EPC2: variants seen among roughly 807,000 people sequenced by gnomAD.
EPC2 encodes enhancer of polycomb 2, also known as enhancer of polycomb homolog 2.
In EPC2, 14 loss-of-function variants were observed where a neutral mutation model predicts 92.1. The ratio of observed to expected loss-of-function variants is 0.15; its 90% CI spans 0.10 to 0.24. The LOEUF is 0.24. EPC2 is among the 10% of genes least tolerant of loss of function. The probability of loss-of-function intolerance (pLI) is 1.00; values close to 1 mark genes in which losing one functional copy is unlikely to be tolerated. For synonymous variants in EPC2, 340 were observed against 334.7 expected (o/e 1.02, Z -0.17); for missense variants, 755 against 971.5 (o/e 0.78, Z 2.96).
intron 2 of EPC2, among the ~76,000 whole-genome samples, chr2:148,714,350 T>C (rs189403730): frequency 6.6e-6 from 1 of 152,248 alleles, no homozygotes; most frequent in East Asian, 1.9e-4. Flanking sequence ...GTCTTTGGTA[T>C]TGTGAATAGT....
At chr2:148,724,336 A>C (rs1682445597) in intron 2 of EPC2, among the ~76,000 whole-genome samples, 1 of 152,180 alleles carries the variant, frequency 6.6e-6, no homozygotes, top group Non-Finnish European at 1.5e-5. Flanking sequence ...GTTAGTGACC[A>C]GATCAGGATA....
In EPC2 at chr2:148,644,961, C is replaced by T. The variant is rs1275193752; in HGVS notation, c.-57C>T. 5 of 1,447,104 alleles carry T rather than the reference C, an allele frequency of 3.5e-6. No individual in the cohort carries two copies. Among genetic ancestry groups the T allele is most frequent in the South Asian group, 2.5e-5 (2 of 81,438 alleles). 89.6% of individuals were successfully genotyped at this position (1,447,104 alleles called of 1,614,324 possible). On this transcript the variant is annotated 5_prime_UTR_variant, in exon 1 of 14. Transcript: ENST00000258484. ...GGAGGAGGCGGCGGGAGTCCTCCCCCCCTCCCCGCCCGCCCCGCCGCCGCC... is the reference window on the plus strand; with the variant it reads ...GGAGGAGGCGGCGGGAGTCCTCCCCTCCTCCCCGCCCGCCCCGCCGCCGCC...
At chr2:148,741,821 A>G (rs1010146016) in intron 2 of EPC2, among the ~76,000 whole-genome samples, 8 of 152,216 alleles carry the variant, frequency 5.3e-5, no homozygotes, top group Admixed American at 1.3e-4. Flanking sequence ...GGGAACAAAG[A>G]AAATTGCTTC....
chr2:148,648,930 C>G (rs555984683), intron 1 of EPC2, among the ~76,000 whole-genome samples: 23 of 152,330 alleles, frequency 1.5e-4, no homozygotes, highest in Admixed American at 1.5e-3. Flanking sequence ...CTGCTAAGAG[C>G]TGCCAGTTGG....
intron 2 of EPC2, among the ~76,000 whole-genome samples, chr2:148,708,013 G>A (rs1233422072): frequency 2.0e-5 from 3 of 152,154 alleles, no homozygotes; most frequent in Admixed American, 2.0e-4. Flanking sequence ...CAGAACTGAA[G>A]GAGATAGAGA....
intron 5 of EPC2, 23 bp from the exon 6 acceptor site, chr2:148,762,647 T>TA (rs1253845378): frequency 6.5e-7 from 1 of 1,532,554 alleles, no homozygotes; most frequent in African/African-American, 1.4e-5. Context: ...AATGTTTTCT[T>TA]ATATTTTTGT....
At chr2:148,742,797 A>G (rs1682902410) in intron 2 of EPC2, among the ~76,000 whole-genome samples, 1 of 151,850 alleles carries the variant, frequency 6.6e-6, no homozygotes, top group African/African-American at 2.4e-5. Context: ...AAAAAAAAAA[A>G]AAAGAAAAAT....
intron 3 of EPC2, among the ~76,000 whole-genome samples, chr2:148,751,111 T>C (rs1009027501): frequency 3.9e-5 from 6 of 152,162 alleles, no homozygotes; most frequent in Non-Finnish European, 7.4e-5. Flanking sequence ...CTTCCCCACA[T>C]TCTATAACCC....
At chr2:148,708,223 CAAAT>C (rs1368939747) in intron 2 of EPC2, among the ~76,000 whole-genome samples, 14 of 152,290 alleles carry the variant, frequency 9.2e-5, no homozygotes, top group Admixed American at 9.1e-4. Context: ...CCCCTCTACA[CAAAT>C]AAACTAGAAA....
chr2:148,754,537 G>A lies in EPC2; in HGVS notation c.666+404G>A, dbSNP rs142441934. 5.8e-4 allele frequency among the ~76,000 whole-genome samples: 89 copies of A among 152,282 alleles called. 1 individual carries two copies. In the East Asian group the frequency reaches 0.01, roughly 18 times the overall value. ...CCTGTGTTTGGGAAGCTGATAACTT[G>A]AAATACTACTACTATTCCTTGTTGC... is the stretch of plus-strand genomic sequence containing the variant. On this transcript the variant is annotated intron_variant, in intron 4 of 13. Transcript: ENST00000258484.
intron 1 of EPC2, among the ~76,000 whole-genome samples, chr2:148,651,934 C>T (rs767964855): frequency 6.6e-6 from 1 of 152,186 alleles, no homozygotes; most frequent in Non-Finnish European, 1.5e-5. Flanking sequence ...CCAGAATTTG[C>T]ACTCAGGCTG....
intron 3 of EPC2, among the ~76,000 whole-genome samples, chr2:148,748,959 A>G (rs1481030297): frequency 6.6e-6 from 1 of 152,156 alleles, no homozygotes; most frequent in Non-Finnish European, 1.5e-5. Flanking sequence ...TTAAAAATTC[A>G]TCTTCTTAAA....
intron 1 of EPC2, among the ~76,000 whole-genome samples, chr2:148,645,950 G>A (rs1683790474): frequency 6.6e-6 from 1 of 152,356 alleles, no homozygotes; most frequent in African/African-American, 2.4e-5. Context: ...TAGAAGTTGA[G>A]GACCTAGTGC....
Position 148,771,156 on chromosome 2 carries a change from T to C in EPC2, c.1489T>C (p.Phe497Leu), listed in dbSNP as rs770896107. The C allele has an allele frequency of 6.2e-7, 1 of 1,614,020 alleles. No homozygotes were observed. Among genetic ancestry groups the C allele is most frequent in the South Asian group, 1.1e-5 (1 of 91,090 alleles). Residue 497 changes from phenylalanine (F) to leucine (L), a missense_variant, in exon 10 of 14, where the codon TTC becomes CTC. Coordinates refer to ENST00000258484, the MANE Select transcript of EPC2 (RefSeq NM_015630.4). ...CCAAACTATAGACTTTTCTTCTAAT[T>C]TCTCTCGGACCAATGCTTCCAGTAA... Reference protein sequence around the residue: ...SSQTIDFSSNFSRTNASSKHC... With the variant: ...SSQTIDFSSNLSRTNASSKHC...
At chr2:148,778,808 C>G (rs533651305) in intron 10 of EPC2, among the ~76,000 whole-genome samples, 2 of 152,066 alleles carry the variant, frequency 1.3e-5, no homozygotes, top group South Asian at 4.2e-4. Flanking sequence ...GAATACCTTA[C>G]TTAATAATAA....
At chr2:148,743,524 T>C in intron 2 of EPC2, 98 bp from the exon 3 acceptor site, 1 of 926,780 alleles carries the variant, frequency 1.1e-6, no homozygotes, top group Non-Finnish European at 1.6e-6. Flanking sequence ...CTTTAGTCAG[T>C]GCACTGTAAT....
intron 1 of EPC2, among the ~76,000 whole-genome samples, chr2:148,678,918 G>C (rs537839000): frequency 3.3e-5 from 5 of 152,364 alleles, no homozygotes; most frequent in Admixed American, 1.3e-4. Flanking sequence ...AGCGAGCGAG[G>C]GCTGTGAGGA....
intron 1 of EPC2, among the ~76,000 whole-genome samples, chr2:148,673,269 A>G (rs1681192683): frequency 2.0e-5 from 3 of 152,162 alleles, no homozygotes; most frequent in Non-Finnish European, 4.4e-5. Context: ...TATTTCTTCA[A>G]ATAAGCTCTC....
intron 2 of EPC2, among the ~76,000 whole-genome samples, chr2:148,720,573 G>T (rs1019627222): frequency 5.3e-5 from 8 of 152,226 alleles, no homozygotes; most frequent in African/African-American, 1.7e-4. Flanking sequence ...CTGAGCAGCT[G>T]CTCTGCTGAG....
Sources: gnomAD v4.1 joint callset for allele counts (sites outside exome capture counted in the v4.1 genomes callset) on GRCh38, gnomAD v4.1.1 for gene constraint, MANE v1.5 for transcripts, NCBI Gene and HGNC (gene_info 2026-07-23, HGNC 2026-07-21) for gene names.